The following LDB2 variants were observed in gnomAD, a reference collection of about 807,000 sequenced individuals.
LDB2 encodes LIM domain-binding protein 2.
LDB2 carries 12 observed loss-of-function variants against 44.3 expected under a neutral mutation model. The ratio of observed to expected loss-of-function variants is 0.27; its 90% CI spans 0.17 to 0.44. The LOEUF (loss-of-function observed/expected upper bound fraction) is 0.44. Ranked by LOEUF, LDB2 falls within the 20% of genes least tolerant of loss-of-function variation. LDB2 has a pLI of 1.00. For synonymous variants in LDB2, 164 were observed against 174.8 expected (o/e 0.94, Z 0.49); for missense variants, 344 against 473.5 (o/e 0.73, Z 2.54).
At chr4:16,534,031 A>G (rs529444295) in intron 5 of LDB2, among the ~76,000 whole-genome samples, 136 of 152,316 alleles carry the variant, frequency 8.9e-4, no homozygotes, top group African/African-American at 2.9e-3. Context: ...TTTGTGTGGA[A>G]TGCCACGATC....
At chr4:16,854,436 A>G (rs557203544) in intron 1 of LDB2, among the ~76,000 whole-genome samples, 44 of 151,444 alleles carry the variant, frequency 2.9e-4, no homozygotes, top group Non-Finnish European at 6.3e-4. Flanking sequence ...TCAATCCAAA[A>G]TAACAGTGGT....
chr4:16,632,394 A>AAAACTCTC (rs1158540493), intron 2 of LDB2, among the ~76,000 whole-genome samples: 1 of 152,234 alleles, frequency 6.6e-6, no homozygotes, highest in African/African-American at 2.4e-5. Flanking sequence ...TTTCATGCTA[A>AAAACTCTC]AAACTCTCAA....
intron 1 of LDB2, among the ~76,000 whole-genome samples, chr4:16,771,845 C>G (rs1048697336): frequency 3.9e-5 from 6 of 152,228 alleles, no homozygotes; most frequent in Admixed American, 3.9e-4. Context: ...TCCCCTGTAA[C>G]CTGTGCTCTG....
At chr4:16,876,575 CTT>C (rs1451453496) in intron 1 of LDB2, among the ~76,000 whole-genome samples, 1 of 152,082 alleles carries the variant, frequency 6.6e-6, no homozygotes, top group Non-Finnish European at 1.5e-5. Context: ...GAAACCTTCA[CTT>C]TTGCATTTAC....
At chr4:16,665,455 C>T (rs956445505) in intron 2 of LDB2, among the ~76,000 whole-genome samples, 45 of 152,056 alleles carry the variant, frequency 3.0e-4, no homozygotes, top group Admixed American at 1.0e-3. Context: ...TTATTAGAGA[C>T]GGGGTTTCAC....
At chr4:16,712,883 C>T (rs756726759) in intron 2 of LDB2, among the ~76,000 whole-genome samples, 33 of 152,160 alleles carry the variant, frequency 2.2e-4, no homozygotes, top group Non-Finnish European at 3.8e-4. Context: ...TAAAAACATA[C>T]TTCTATAAAG....
At chr4:16,822,521 T>G (rs894743342) in intron 1 of LDB2, among the ~76,000 whole-genome samples, 2 of 152,154 alleles carry the variant, frequency 1.3e-5, no homozygotes, top group Non-Finnish European at 2.9e-5. Context: ...TTATTATTAT[T>G]ATTTTTCTTT....
intron 5 of LDB2, among the ~76,000 whole-genome samples, chr4:16,535,191 G>A (rs1731393164): frequency 6.6e-6 from 1 of 152,164 alleles, no homozygotes; most frequent in Admixed American, 6.5e-5. Flanking sequence ...ACCGTGGAAG[G>A]GGAGCTAACC....
Position 16,772,003 on chromosome 4 carries a change from C to T in LDB2, c.133-12743G>A, listed in dbSNP as rs368992359. The stretch of plus-strand genomic sequence containing the variant: ...CTTCTTCTTTGCTGTTGGTTCACTG[C>T]ACTCTCAGCACAGCCCGCAGATCTA... On this transcript the variant is annotated intron_variant, in intron 1 of 7. Coordinates refer to ENST00000304523, the MANE Select transcript of LDB2 (RefSeq NM_001290.5). Among the ~76,000 whole-genome samples, 224 of 152,304 alleles carry T rather than the reference C, an allele frequency of 1.5e-3. 5 individuals carry two copies. In the South Asian group the frequency reaches 0.045, roughly 31 times the overall value.
intron 2 of LDB2, among the ~76,000 whole-genome samples, chr4:16,746,363 C>A (rs766800920): frequency 6.6e-6 from 1 of 152,122 alleles, no homozygotes; most frequent in Non-Finnish European, 1.5e-5. Flanking sequence ...GAAGTACTTA[C>A]GTGGGACTAA....
chr4:16,681,974 C>CA (rs960516663), intron 2 of LDB2, among the ~76,000 whole-genome samples: 17 of 152,156 alleles, frequency 1.1e-4, no homozygotes, highest in Non-Finnish European at 7.3e-5. Context: ...CATCAAGAGA[C>CA]AGAGGACGGG....
At chr4:16,519,375 GC>G (rs1725092665) in intron 5 of LDB2, among the ~76,000 whole-genome samples, 4 of 151,516 alleles carry the variant, frequency 2.6e-5, no homozygotes, top group African/African-American at 7.3e-5. Context: ...AGGCAGTACA[GC>G]TATTTGAAGG....
At chr4:16,817,711 A>T (rs540514501) in intron 1 of LDB2, among the ~76,000 whole-genome samples, 1 of 152,268 alleles carries the variant, frequency 6.6e-6, no homozygotes, top group East Asian at 1.9e-4. Context: ...TTAATCCTCA[A>T]AGTAATCATA....
chr4:16,798,578 C>T (rs1777175911), intron 1 of LDB2, among the ~76,000 whole-genome samples: 1 of 152,180 alleles, frequency 6.6e-6, no homozygotes, highest in African/African-American at 2.4e-5. Flanking sequence ...AGACAGGCCA[C>T]CTGTGCTAAA....
Position 16,651,586 on chromosome 4 carries a change from C to CTT in LDB2, c.236-55713_236-55712dup, listed in dbSNP as rs33919070. On this transcript the variant is annotated intron_variant, in intron 2 of 7. Transcript: ENST00000304523. ...TCTTGGACCCTGGGGTGATTTTCAT[C>CTT]TTTTTTTTTTAATGTCTACGCTTAT... Among the ~76,000 whole-genome samples, 60 of 148,860 alleles carry CTT rather than the reference C, an allele frequency of 4.0e-4. 2 individuals are homozygous for CTT. Among genetic ancestry groups the CTT allele is most frequent in the South Asian group, 1.7e-3 (8 of 4,694 alleles).
chr4:16,527,269 T>G (rs1025845245), intron 5 of LDB2, among the ~76,000 whole-genome samples: 3 of 151,996 alleles, frequency 2.0e-5, no homozygotes, highest in Non-Finnish European at 2.9e-5. Flanking sequence ...AGGAGGGAAG[T>G]GCAGCTGGAG....
chr4:16,575,646 A>G (rs1204317994), intron 5 of LDB2, among the ~76,000 whole-genome samples: 2 of 152,284 alleles, frequency 1.3e-5, no homozygotes, highest in African/African-American at 4.8e-5. Context: ...ATCAATCACA[A>G]GAGGAATTTT....
chr4:16,798,393 A>G (rs1322644352), intron 1 of LDB2, among the ~76,000 whole-genome samples: 2 of 152,228 alleles, frequency 1.3e-5, no homozygotes, highest in African/African-American at 4.8e-5. Flanking sequence ...GACATGACTT[A>G]GGATCTTGGA....
At chr4:16,884,211 C>T (rs1231463438) in intron 1 of LDB2, among the ~76,000 whole-genome samples, 2 of 152,182 alleles carry the variant, frequency 1.3e-5, no homozygotes, top group Admixed American at 6.5e-5. Flanking sequence ...TGACTGAATC[C>T]GTACTATGTA....
Sources: allele counts gnomAD v4.1 joint callset (sites outside exome capture counted in the v4.1 genomes callset), GRCh38; gene constraint gnomAD v4.1.1; transcripts MANE v1.5; gene names NCBI Gene and HGNC (gene_info 2026-07-23, HGNC 2026-07-21).